Variants in KCNQ1 observed in about 807,000 individuals in gnomAD.
KCNQ1 encodes the protein potassium voltage-gated channel subfamily KQT member 1.
A neutral mutation model predicts 72.4 loss-of-function variants in KCNQ1; 49 were observed. The observed-to-expected ratio is 0.68, with a 90% CI of 0.54 to 0.86. The LOEUF is 0.86. Among genes scored for constraint, KCNQ1 ranks in the 40% least tolerant of loss-of-function variants. KCNQ1 has a pLI of 0.00. For missense variants in KCNQ1, 790 were observed against 945.1 expected (o/e 0.84, Z 2.15); for synonymous variants, 450 against 412.6 (o/e 1.09, Z -1.10).
chr11:2,814,041 A>C (rs1481665424), intron 15 of KCNQ1, among the ~76,000 whole-genome samples: 1 of 135,140 alleles, frequency 7.4e-6, no homozygotes, highest in Non-Finnish European at 1.6e-5. Flanking sequence ...GTGTGTGGGT[A>C]TGTGGATGGA....
At chr11:2,727,580 G>A (rs1413365411) in intron 11 of KCNQ1, among the ~76,000 whole-genome samples, 1 of 152,204 alleles carries the variant, frequency 6.6e-6, no homozygotes, top group Non-Finnish European at 1.5e-5. Context: ...ACGGCAGGGA[G>A]CAGGAGCAGA....
Position 2,653,447 on chromosome 11 carries a change from T to C in KCNQ1, c.1394-8514T>C. On this transcript the variant is annotated intron_variant, in intron 10 of 15. Coordinates refer to ENST00000155840, the MANE Select transcript of KCNQ1 (RefSeq NM_000218.3). This position sits in a 1 kb window ranked among gnomAD's most constrained non-coding sequence, Gnocchi z 5.3. ...CAAGCTTAAGCACAAAAGGGACATT[T>C]TTTGGCTCACACAGCTGGACCCAGC... The C allele has an allele frequency of 2.5e-6, 1 of 398,546 alleles. No individual in the cohort carries two copies. The highest frequency in any genetic ancestry group is 4.4e-6 in the Non-Finnish European group (1 of 226,072). The allele number at this position is 398,546 out of a possible 1,614,324, so 24.7% of individuals were successfully genotyped here.
chr11:2,730,058 C>T (rs1391713115), intron 11 of KCNQ1, among the ~76,000 whole-genome samples: 1 of 152,080 alleles, frequency 6.6e-6, no homozygotes, highest in Non-Finnish European at 1.5e-5. Context: ...AGCTAGGACA[C>T]GTGAAGCCCT....
intron 2 of KCNQ1, among the ~76,000 whole-genome samples, chr11:2,554,541 C>CA (rs1564815339): frequency 2.6e-5 from 4 of 152,166 alleles, no homozygotes; most frequent in Non-Finnish European, 5.9e-5. Flanking sequence ...TGAGAGGGGG[C>CA]CTGGGCTGGG....
In KCNQ1 at chr11:2,803,570, G is replaced by T. The variant is rs2074196; in HGVS notation, c.1794+25533G>T. Among the ~76,000 whole-genome samples, 13,990 of 152,110 alleles carry T rather than the reference G, an allele frequency of 0.092. 1,220 individuals carry two copies. The highest frequency in any genetic ancestry group is 0.39 in the East Asian group (1,983 of 5,150). On this transcript the variant is annotated intron_variant, in intron 15 of 15. Transcript: ENST00000155840. This position sits in a 1 kb window ranked among gnomAD's most constrained non-coding sequence, Gnocchi z 6.4. ...CAGAGCTGGGGGTGATGGGGCTTCA[G>T]TGGAGCCCGCCAGGACTGGGGACAC... is the stretch of plus-strand genomic sequence containing the variant.
intron 15 of KCNQ1, among the ~76,000 whole-genome samples, chr11:2,823,390 G>C (rs1847778346): frequency 6.6e-6 from 1 of 152,218 alleles, no homozygotes; most frequent in African/African-American, 2.4e-5. Flanking sequence ...ATTTTTCCAA[G>C]TCACTGCAGG....
Position 2,526,578 on chromosome 11 carries a change from C to T in KCNQ1, c.387-1350C>T, listed in dbSNP as rs1057099547. Among the ~76,000 whole-genome samples, 2 of 152,094 alleles carry T rather than the reference C, an allele frequency of 1.3e-5. No homozygotes were observed. The highest frequency in any genetic ancestry group is 3.4e-3 in the Middle Eastern group (1 of 294). On this transcript the variant is annotated intron_variant, in intron 1 of 15. Coordinates refer to ENST00000155840, the MANE Select transcript of KCNQ1 (RefSeq NM_000218.3). The surrounding 1 kb of genome is among the most constrained non-coding windows in gnomAD (Gnocchi z 6.1). ...TGGGGAAGGGGGTGGGGGGCCAGAG[C>T]CCCACCTTCCCCAGAAACCTCCGTG...
At position 2,685,735 on chromosome 11, in the gene KCNQ1, G is replaced by A. The variant is rs1029724201; in HGVS notation, c.1514+23654G>A. On this transcript the variant is annotated intron_variant, in intron 11 of 15. Transcript: ENST00000155840. ...AGGGAGGGTGCTCTGACAGTCCGCCGAAATGGCCAGCAGGCAGGCATCCTC... is the reference window on the plus strand; with the variant it reads ...AGGGAGGGTGCTCTGACAGTCCGCCAAAATGGCCAGCAGGCAGGCATCCTC... The A allele has an allele frequency of 1.7e-4, 69 of 398,694 alleles. No homozygotes were observed. Among genetic ancestry groups the A allele is most frequent in the Non-Finnish European group, 2.5e-4 (57 of 226,122 alleles). 24.7% of individuals were successfully genotyped at this position (398,694 alleles called of 1,614,324 possible). A position where few individuals can be genotyped will look rare whatever the true frequency, so the allele number is the denominator to read the frequency against.
intron 10 of KCNQ1, chr11:2,609,898 A>G (rs1848950373): frequency 2.5e-6 from 1 of 397,906 alleles, no homozygotes; most frequent in Admixed American, 4.4e-5. Flanking sequence ...TTCAGTTGGC[A>G]TTTATCATCT....
intron 15 of KCNQ1, among the ~76,000 whole-genome samples, chr11:2,838,160 C>T (rs1309374086): frequency 1.3e-5 from 2 of 152,248 alleles, no homozygotes; most frequent in Non-Finnish European, 2.9e-5. Context: ...GCAAACACCA[C>T]CAGTAGGGAC....
rs776096341 is a variant in KCNQ1 at position 2,536,744 on chromosome 11, C to T, written c.477+8726C>T. Among the ~76,000 whole-genome samples, 1 of 152,106 alleles carries T rather than the reference C, an allele frequency of 6.6e-6. No individual in the cohort carries two copies. The highest frequency in any genetic ancestry group is 2.1e-4 in the South Asian group (1 of 4,832). On this transcript the variant is annotated intron_variant, in intron 2 of 15. Transcript: ENST00000155840. The surrounding 1 kb of genome is among the most constrained non-coding windows in gnomAD (Gnocchi z 7.4). ...CTCCAGCCACGTGGGTCGCGAGAGT[C>T]GACCTGGGCTGCGTGATGGGGGACC...
chr11:2,623,489 TTCTAAAA>T lies in KCNQ1; in HGVS notation c.1393+34637_1393+34643del, dbSNP rs1273408118. 1 of 398,526 alleles carries T rather than the reference TTCTAAAA, an allele frequency of 2.5e-6. No individual in the cohort carries two copies. The highest frequency in any genetic ancestry group is 4.4e-6 in the Non-Finnish European group (1 of 226,072). 24.7% of individuals were successfully genotyped at this position (398,526 alleles called of 1,614,324 possible). A position where few individuals can be genotyped will look rare whatever the true frequency, so the allele number is the denominator to read the frequency against. On this transcript the variant is annotated intron_variant, in intron 10 of 15. Transcript: ENST00000155840. This position sits in a 1 kb window ranked among gnomAD's most constrained non-coding sequence, Gnocchi z 5.2. ...TTTACTGCCTCCATAGCATTGCCTT[TTCTAAAA>T]TGCAATATGATTGGAATCATACAGT...
chr11:2,699,231 C>T (rs1031807923), intron 11 of KCNQ1: 2 of 398,760 alleles, frequency 5.0e-6, no homozygotes, highest in African/African-American at 2.1e-5. Flanking sequence ...CGACCCTGGC[C>T]ACGCTGTCCA....
At position 2,720,387 on chromosome 11, in the gene KCNQ1, C is replaced by CCA. The variant is rs1386177935; in HGVS notation, c.1515-48457_1515-48456insCA. 1.3e-5 allele frequency among the ~76,000 whole-genome samples: 2 copies of CCA among 152,188 alleles called. No homozygotes were observed. The highest frequency in any genetic ancestry group is 2.9e-5 in the Non-Finnish European group (2 of 68,040). ...CGGCTACAGTCAGGCCTCCTTCGTGCTGAGCATGTGCTGGCCCTGCCTGGG... is the reference window on the plus strand; with the variant it reads ...CGGCTACAGTCAGGCCTCCTTCGTGCCATGAGCATGTGCTGGCCCTGCCTGGG... On this transcript the variant is annotated intron_variant, in intron 11 of 15. Transcript: ENST00000155840. This position sits in a 1 kb window ranked among gnomAD's most constrained non-coding sequence, Gnocchi z 5.1.
chr11:2,690,869 G>C lies in KCNQ1; in HGVS notation c.1514+28788G>C. The C allele has an allele frequency of 5.0e-6, 2 of 398,640 alleles. No homozygotes were observed. The highest frequency in any genetic ancestry group is 8.8e-6 in the Non-Finnish European group (2 of 226,068). The allele number at this position is 398,640 out of a possible 1,614,324, so 24.7% of individuals were successfully genotyped here. On this transcript the variant is annotated intron_variant, in intron 11 of 15. Transcript: ENST00000155840. This position sits in a 1 kb window ranked among gnomAD's most constrained non-coding sequence, Gnocchi z 5.1. ...AGGAACAGGTACCTTTAGGGACACA[G>C]GAGTGTAAGCCACTGTTTCCGTCTG... is the stretch of plus-strand genomic sequence containing the variant.
At chr11:2,717,945 A>C (rs1851122833) in intron 11 of KCNQ1, among the ~76,000 whole-genome samples, 1 of 152,152 alleles carries the variant, frequency 6.6e-6, no homozygotes, top group South Asian at 2.1e-4. Context: ...TCATGGAGTA[A>C]AGACCACACC....
intron 15 of KCNQ1, among the ~76,000 whole-genome samples, chr11:2,778,377 C>G (rs921424221): frequency 2.0e-5 from 3 of 152,272 alleles, no homozygotes; most frequent in African/African-American, 7.2e-5. Context: ...TGGCTGTGTC[C>G]TGAGTGGAGG....
intron 10 of KCNQ1, among the ~76,000 whole-genome samples, chr11:2,596,025 G>A (rs1052727936): frequency 6.6e-6 from 1 of 152,208 alleles, no homozygotes; most frequent in Non-Finnish European, 1.5e-5. Context: ...AGTAACTACT[G>A]ATGTTGTGAA....
rs1850644744 is a variant in KCNQ1, at chr11:2,694,673, A to G, written c.1514+32592A>G. On this transcript the variant is annotated intron_variant, in intron 11 of 15. Transcript: ENST00000155840. ...CACACCCACCATGTGCGGACCCTAT[A>G]CGGAAGACAGATATGCTCTCTTGGG... The G allele has an allele frequency of 1.8e-5, 7 of 398,590 alleles. No individual in the cohort carries two copies. In the East Asian group the frequency reaches 2.5e-4, roughly 14 times the overall value. The allele number at this position is 398,590 out of a possible 1,614,324, so 24.7% of individuals were successfully genotyped here.
Sources: allele counts gnomAD v4.1 joint callset (sites outside exome capture counted in the v4.1 genomes callset), GRCh38; gene constraint gnomAD v4.1.1; non-coding constraint Gnocchi (gnomAD v3.1); transcripts MANE v1.5; gene names NCBI Gene and HGNC (gene_info 2026-07-23, HGNC 2026-07-21).